Variants in RNF17 observed in about 807,000 individuals in gnomAD.
The protein encoded by RNF17 is spermatogenesis associated 23.
In RNF17, 31 loss-of-function variants were observed where a neutral mutation model predicts 200.5. That is an observed-to-expected ratio of 0.15 (90% CI 0.12 to 0.21). The LOEUF (loss-of-function observed/expected upper bound fraction) is 0.21, where lower values mean the gene tolerates loss of function less well. Among genes scored for constraint, RNF17 ranks in the 10% least tolerant of loss-of-function variants. The pLI is 1.00. For missense variants in RNF17, 1,628 were observed against 1,905.1 expected (o/e 0.85, Z 2.71); for synonymous variants, 606 against 637.8 (o/e 0.95, Z 0.75).
intron 18 of RNF17, among the ~76,000 whole-genome samples, chr13:24,835,839 A>T (rs190560813): frequency 6.6e-6 from 1 of 152,244 alleles, no homozygotes; most frequent in Admixed American, 6.5e-5. Context: ...GATTTACCTG[A>T]AAAATAATTC....
intron 17 of RNF17, among the ~76,000 whole-genome samples, chr13:24,831,125 A>G (rs1889332813): frequency 6.6e-6 from 1 of 152,170 alleles, no homozygotes; most frequent in Non-Finnish European, 1.5e-5. Context: ...AGTGTGTAGT[A>G]TTATAGAAAA....
intron 2 of RNF17, 96 bp downstream of exon 2, chr13:24,767,462 A>G (rs1210597145): frequency 2.2e-6 from 2 of 897,990 alleles, no homozygotes; most frequent in Admixed American, 4.5e-5. Flanking sequence ...TAGAAACTAA[A>G]AAGTTGGCCG....
At chr13:24,845,967 C>T (rs547165678) in intron 22 of RNF17, among the ~76,000 whole-genome samples, 1 of 152,260 alleles carries the variant, frequency 6.6e-6, no homozygotes, top group East Asian at 1.9e-4. Flanking sequence ...GTGGCTCACA[C>T]CTGTAATCCC....
At chr13:24,865,374 T>C (rs1893508109) in intron 29 of RNF17, among the ~76,000 whole-genome samples, 1 of 152,202 alleles carries the variant, frequency 6.6e-6, no homozygotes, top group Non-Finnish European at 1.5e-5. Flanking sequence ...AAGCCGTGTA[T>C]TACAAAATTT....
At chr13:24,812,972 G>A (rs988544705) in intron 15 of RNF17, among the ~76,000 whole-genome samples, 15 of 151,428 alleles carry the variant, frequency 9.9e-5, no homozygotes, top group Non-Finnish European at 1.9e-4. Flanking sequence ...GTGAGCCACC[G>A]CGCCCGGCCA....
At chr13:24,883,076 T>C, downstream of RNF17, 1 of 1,064,960 alleles carries the variant, frequency 9.4e-7, no homozygotes, top group Non-Finnish European at 1.4e-6. Flanking sequence ...ATCTAATCTT[T>C]TCCCCACACA....
chr13:24,764,452 AC>A (rs1879259614), intron 1 of RNF17, 119 bp downstream of exon 1: 1 of 1,350,060 alleles, frequency 7.4e-7, no homozygotes, highest in African/African-American at 1.4e-5. Context: ...GTCACCAGAA[AC>A]TGCGTCACAG....
At chr13:24,809,472 G>T (rs1305367895) in intron 15 of RNF17, among the ~76,000 whole-genome samples, 1 of 152,126 alleles carries the variant, frequency 6.6e-6, no homozygotes, top group Non-Finnish European at 1.5e-5. Flanking sequence ...GTATTTCTGT[G>T]GGATCGGTGG....
intron 1 of RNF17, among the ~76,000 whole-genome samples, chr13:24,765,033 T>C (rs534047857): frequency 3.1e-4 from 47 of 152,288 alleles, no homozygotes; most frequent in African/African-American, 1.1e-3. Flanking sequence ...TTTTTTTCTT[T>C]GAGTTGGAGT....
chr13:24,885,241 T>C, the RNF17 span: 1 of 1,363,896 alleles, frequency 7.3e-7, no homozygotes, highest in South Asian at 1.2e-5. Flanking sequence ...TGTTTATTTT[T>C]TATAGAATTC....
At chr13:24,812,567 G>T (rs867570621) in intron 15 of RNF17, among the ~76,000 whole-genome samples, 1 of 151,820 alleles carries the variant, frequency 6.6e-6, no homozygotes, top group Admixed American at 6.6e-5. Flanking sequence ...AGATGAACCC[G>T]GTACCTCAGA....
downstream of RNF17, among the ~76,000 whole-genome samples, chr13:24,881,959 CAT>C (rs1953855474): frequency 2.2e-4 from 5 of 22,574 alleles, 2 homozygotes; most frequent in African/African-American, 7.6e-4. Context: ...TATATAGATA[CAT>C]CTAGATATAT....
At chr13:24,779,885 A>G (rs1186124389) in intron 5 of RNF17, 138 bp downstream of exon 5, 1 of 574,706 alleles carries the variant, frequency 1.7e-6, no homozygotes, top group African/African-American at 1.9e-5. Context: ...AGAATGGAAA[A>G]CTTTTCCCAT....
chr13:24,809,153 G>A (rs1412088601), intron 15 of RNF17, among the ~76,000 whole-genome samples: 3 of 150,020 alleles, frequency 2.0e-5, no homozygotes, highest in Non-Finnish European at 3.0e-5. Flanking sequence ...GATGATGCTG[G>A]CCTCATAAAA....
intron 31 of RNF17, 52 bp downstream of exon 31, chr13:24,868,768 G>T: frequency 1.0e-6 from 1 of 968,292 alleles, no homozygotes; most frequent in Non-Finnish European, 1.7e-6. Flanking sequence ...AAGCTGTCTT[G>T]GTCTTAAACA....
At chr13:24,791,989 C>T (rs780181257) in intron 9 of RNF17, among the ~76,000 whole-genome samples, 8 of 152,170 alleles carry the variant, frequency 5.3e-5, no homozygotes, top group Non-Finnish European at 1.2e-4. Context: ...AAGACCTTGC[C>T]AGAGGAAGTG....
At chr13:24,849,770 T>C (rs1278374559) in intron 22 of RNF17, among the ~76,000 whole-genome samples, 1 of 152,252 alleles carries the variant, frequency 6.6e-6, no homozygotes, top group Non-Finnish European at 1.5e-5. Context: ...AAAATTTTGT[T>C]GAATCAGTAA....
chr13:24,865,148 A>G, intron 29 of RNF17, 150 bp downstream of exon 29: 2 of 553,288 alleles, frequency 3.6e-6, no homozygotes, highest in South Asian at 4.9e-5. Flanking sequence ...GCTGAGAAAG[A>G]TGAATAGGCT....
chr13:24,765,961 C>G, intron 1 of RNF17, among the ~76,000 whole-genome samples: 1 of 152,222 alleles, frequency 6.6e-6, no homozygotes, highest in South Asian at 2.1e-4. Context: ...GGCACAGTGG[C>G]TCACGCCTAT....
Sources: gnomAD v4.1 joint callset for allele counts (sites outside exome capture counted in the v4.1 genomes callset) on GRCh38, gnomAD v4.1.1 for gene constraint, MANE v1.5 for transcripts, NCBI Gene and HGNC (gene_info 2026-07-23, HGNC 2026-07-21) for gene names.